NCOR1: variants seen among roughly 807,000 people sequenced by gnomAD.
The protein encoded by NCOR1 is protein phosphatase 1, regulatory subunit 109.
NCOR1 carries 63 observed loss-of-function variants against 288.1 expected under a neutral mutation model. That is an observed-to-expected ratio of 0.22 (90% CI 0.18 to 0.27). The LOEUF is 0.27. Ranked by LOEUF, NCOR1 falls within the 10% of genes least tolerant of loss-of-function variation. The pLI is 1.00. For synonymous variants in NCOR1, 1,007 were observed against 1,065.9 expected (o/e 0.94, Z 1.08); for missense variants, 2,397 against 3,019.2 (o/e 0.79, Z 4.83).
intron 19 of NCOR1, among the ~76,000 whole-genome samples, chr17:16,105,363 G>A (rs1430080426): frequency 6.6e-6 from 1 of 152,050 alleles, no homozygotes; most frequent in Non-Finnish European, 1.5e-5. Context: ...GCTGCAGTGA[G>A]CCACGATCGA....
chr17:16,169,605 C>G (rs1196230932), intron 4 of NCOR1, among the ~76,000 whole-genome samples: 1 of 149,374 alleles, frequency 6.7e-6, no homozygotes. Context: ...GGACTAGAGT[C>G]GGGGTCCTGG....
At chr17:16,199,907 A>C (rs1253541326) in intron 1 of NCOR1, among the ~76,000 whole-genome samples, 1 of 152,222 alleles carries the variant, frequency 6.6e-6, no homozygotes, top group Non-Finnish European at 1.5e-5. Context: ...TGAATTATAC[A>C]GATAAACCCA....
chr17:16,140,836 AC>A (rs1030532823), intron 11 of NCOR1, among the ~76,000 whole-genome samples: 2 of 151,688 alleles, frequency 1.3e-5, no homozygotes, highest in Non-Finnish European at 2.9e-5. Context: ...AAACAAACAA[AC>A]AAAAAGTTAG....
At chr17:16,168,836 T>A (rs922895640) in intron 4 of NCOR1, among the ~76,000 whole-genome samples, 4 of 151,826 alleles carry the variant, frequency 2.6e-5, no homozygotes, top group African/African-American at 9.7e-5. Flanking sequence ...CTGAACTTGG[T>A]GGCGTGCGCC....
chr17:16,029,930 T>C lies in NCOR1; in HGVS notation c.*2366A>G, dbSNP rs1971787166. The C allele has an allele frequency of 6.4e-6, 1 of 156,016 alleles. No homozygotes were observed. The highest frequency in any genetic ancestry group is 1.4e-5 in the Non-Finnish European group (1 of 70,238). The allele number at this position is 156,016 out of a possible 1,614,324, so 9.7% of individuals were successfully genotyped here. ...GCAAGAGTAAGAAGTTAGGCTCTGATCTGACATGTTCTCAGAAACTATACG... is the reference window on the plus strand; with the variant it reads ...GCAAGAGTAAGAAGTTAGGCTCTGACCTGACATGTTCTCAGAAACTATACG... On this transcript the variant is annotated 3_prime_UTR_variant, in exon 46 of 46. Transcript: ENST00000268712.
rs1031674408 is a variant in NCOR1, at chr17:16,071,389, A to C, written c.4152+20T>G. On this transcript the variant is annotated intron_variant, in intron 30 of 45. Coordinates refer to ENST00000268712, the MANE Select transcript of NCOR1 (RefSeq NM_006311.4). Reference sequence around the variant, plus strand: ...TCCATAAATATCAGTTACTGACAAAAAGAGCCAAAACTTAGTTACCTGGGA... The same window carrying C: ...TCCATAAATATCAGTTACTGACAAACAGAGCCAAAACTTAGTTACCTGGGA... The C allele has an allele frequency of 6.2e-7, 1 of 1,600,404 alleles. No homozygotes were observed. Among genetic ancestry groups the C allele is most frequent in the East Asian group, 2.2e-5 (1 of 44,696 alleles).
At chr17:16,096,876 C>T (rs2066723103) in intron 21 of NCOR1, among the ~76,000 whole-genome samples, 1 of 152,130 alleles carries the variant, frequency 6.6e-6, no homozygotes, top group East Asian at 1.9e-4. Context: ...GAGGTGGAAG[C>T]AATCCAAATG....
chr17:16,155,311 A>C (rs1315341188), intron 6 of NCOR1, among the ~76,000 whole-genome samples: 1 of 148,856 alleles, frequency 6.7e-6, no homozygotes, highest in Non-Finnish European at 1.5e-5. Flanking sequence ...AGATCGTGCC[A>C]CTGCACTCCA....
chr17:16,119,103 C>A (rs1394967781), intron 17 of NCOR1, among the ~76,000 whole-genome samples: 1 of 152,156 alleles, frequency 6.6e-6, no homozygotes, highest in Non-Finnish European at 1.5e-5. Flanking sequence ...CATTCCAGAA[C>A]AATTTCAATA....
In NCOR1 at chr17:16,071,516, G is replaced by A. The variant is rs2152735511; in HGVS notation, c.4045C>T (p.Arg1349Cys). The A allele has an allele frequency of 1.2e-6, 2 of 1,614,074 alleles. No individual in the cohort carries two copies. The highest frequency in any genetic ancestry group is 1.1e-5 in the South Asian group (1 of 91,082). ...TGCCTTGGAATCTCATGAATGGAAC[G>A]CCCCATTTCTTTGATGGTGGTGATG... The part of the protein sequence containing the change: ...DGITTIKEMG[R>C]SIHEIPRQDI... Residue 1349 changes from arginine to cysteine, a missense_variant, in exon 30 of 46, where the codon CGT becomes TGT. Physicochemically the swap from Arg to Cys is radical, Grantham distance 180 (BLOSUM62 -3). Transcript: ENST00000268712.
intron 42 of NCOR1, chr17:16,044,637 A>G (rs1237235254): frequency 1.6e-6 from 1 of 632,414 alleles, no homozygotes; most frequent in Non-Finnish European, 3.1e-6. Context: ...TCTGTCTCCG[A>G]GCTCGCCTGC....
chr17:16,198,766 T>C (rs1216597319), intron 1 of NCOR1: 1 of 152,096 alleles, frequency 6.6e-6, no homozygotes, highest in East Asian at 1.9e-4. Flanking sequence ...TGAACATTCA[T>C]GCATTTTGTA....
At chr17:16,098,551 T>G (rs1241087385) in intron 20 of NCOR1, 55 bp from the exon 21 acceptor site, 1 of 1,481,544 alleles carries the variant, frequency 6.7e-7, no homozygotes, top group Non-Finnish European at 9.2e-7. Flanking sequence ...GACTCAAACA[T>G]ATAATCACTA....
chr17:16,068,151 C>A, intron 31 of NCOR1, 30 bp from the exon 32 acceptor site: 1 of 1,493,526 alleles, frequency 6.7e-7, no homozygotes, highest in South Asian at 1.2e-5. Flanking sequence ...GCCACAAGTT[C>A]TTAAGAAACT....
chr17:16,195,193 C>T (rs1490800934), intron 1 of NCOR1, among the ~76,000 whole-genome samples: 1 of 152,096 alleles, frequency 6.6e-6, no homozygotes, highest in Non-Finnish European at 1.5e-5. Context: ...AAAAGAAGGC[C>T]AGGAGCGGTG....
In NCOR1 at chr17:16,121,115, T is replaced by C. The variant is rs746326071; in HGVS notation, c.1789A>G (p.Ser597Gly). The C allele has an allele frequency of 6.2e-7, 1 of 1,614,202 alleles. No homozygotes were observed. The highest frequency in any genetic ancestry group is 1.1e-5 in the South Asian group (1 of 91,086). Reference protein sequence around the residue: ...RSMTNEAAAASAAAAAATEEP... With the variant: ...RSMTNEAAAAGAAAAAATEEP... Reference sequence around the variant, plus strand: ...TCAGTAGCCGCTGCGGCTGCAGCACTGGCAGCTGCAGCTTCGTTTGTCATG... The same window carrying C: ...TCAGTAGCCGCTGCGGCTGCAGCACCGGCAGCTGCAGCTTCGTTTGTCATG... The change falls in exon 16 of 46, where the codon AGT becomes GGT. Residue 597 changes from serine to glycine, a missense_variant. Ser to Gly is a moderately conservative substitution (Grantham distance 56). Around this residue, in one of 11 missense-constraint regions of NCOR1, gnomAD observed 113 missense variants for 139.5 expected, o/e 0.81. Transcript: ENST00000268712.
rs1376616724 is a variant in NCOR1 at position 16,092,675 on chromosome 17, ATATATATATATATATATATATTTTTTTT to A, written c.2821-645_2821-618del. ...TATATATATATATATATATATATATATATATATATATATATATATATTTTTTTTTTTTTTTTTTTTTAAGACATAGTCT... is the reference window on the plus strand; with the variant it reads ...TATATATATATATATATATATATATATTTTTTTTTTTTTAAGACATAGTCT... On this transcript the variant is annotated intron_variant, in intron 21 of 45. Transcript: ENST00000268712. 3.3e-4 allele frequency among the ~76,000 whole-genome samples: 6 copies of A among 18,210 alleles called. No homozygotes were observed. The East Asian group carries it at 8.7e-3, about 26-fold the overall frequency. The allele number at this position is 18,210 out of a possible 152,430, so 11.9% of individuals were successfully genotyped here. A position where few individuals can be genotyped will look rare whatever the true frequency, so the allele number is the denominator to read the frequency against.
At chr17:16,213,268 G>A (rs562568671) in intron 1 of NCOR1, among the ~76,000 whole-genome samples, 23 of 151,922 alleles carry the variant, frequency 1.5e-4, no homozygotes, top group Non-Finnish European at 1.9e-4. Context: ...CAAGGCAGGC[G>A]GATCACGAGG....
intron 14 of NCOR1, among the ~76,000 whole-genome samples, chr17:16,127,725 A>G (rs2074951389): frequency 1.6e-5 from 2 of 123,866 alleles, no homozygotes; most frequent in Admixed American, 8.4e-5. Context: ...ATATATACAT[A>G]TATGTGTATA....
Sources: allele counts gnomAD v4.1 joint callset (sites outside exome capture counted in the v4.1 genomes callset), GRCh38; gene constraint gnomAD v4.1.1; regional missense constraint gnomAD v4.1.1; transcripts MANE v1.5; gene names NCBI Gene and HGNC (gene_info 2026-07-23, HGNC 2026-07-21).